The following OXNAD1 variants were observed in gnomAD, a reference collection of about 807,000 sequenced individuals.
OXNAD1 encodes the protein oxidoreductase NAD-binding domain-containing protein 1.
In OXNAD1, 34 loss-of-function variants were observed where a neutral mutation model predicts 32.9. The ratio of observed to expected loss-of-function variants is 1.03; its 90% CI spans 0.79 to 1.38. The LOEUF (loss-of-function observed/expected upper bound fraction) is 1.38, where lower values mean the gene tolerates loss of function less well. Among genes scored for constraint, OXNAD1 ranks in the 40% most tolerant of loss-of-function variants. OXNAD1 has a pLI of 0.00. For synonymous variants in OXNAD1, 134 were observed against 135.2 expected (o/e 0.99, Z 0.06); for missense variants, 407 against 379.4 (o/e 1.07, Z -0.60).
rs2064763857 is a variant in OXNAD1, at chr3:16,269,220, CTG to C, written c.-62_-61del. On this transcript the variant is annotated 5_prime_UTR_variant, in exon 2 of 9. It introduces an in-frame stop codon into an upstream open reading frame of the 5' UTR. Coordinates refer to ENST00000285083, the MANE Select transcript of OXNAD1 (RefSeq NM_138381.5). ...AGTGTAATAGCAGGACCAAAATATT[CTG>C]TCAATCAGCTGACCATATACTTAAT... is the stretch of plus-strand genomic sequence containing the variant. 3 of 1,534,512 alleles carry C rather than the reference CTG, an allele frequency of 2.0e-6. No individual in the cohort carries two copies. In the East Asian group the frequency reaches 7.3e-5, roughly 38 times the overall value.
Position 16,267,222 on chromosome 3 carries a change from T to C in OXNAD1, c.-159+1717T>C, listed in dbSNP as rs543432094. On this transcript the variant is annotated intron_variant, in intron 1 of 8. Coordinates refer to ENST00000285083, the MANE Select transcript of OXNAD1 (RefSeq NM_138381.5). ...CATCTACTTCTGCCATCTCTGTAGC[T>C]GTTACCTTATTATAATCTTAGACCA... 4.6e-5 allele frequency among the ~76,000 whole-genome samples: 7 copies of C among 152,348 alleles called. No homozygotes were observed. The East Asian group carries it at 1.3e-3, about 29-fold the overall frequency.
rs10703577 is a variant in OXNAD1 at position 16,345,264 on chromosome 3, TTGTGTGTGTGTGTGTGTGTGTGTGTG to T, written c.*31-3900_*31-3875del. 1.4e-5 allele frequency: 2 copies of T among 145,838 alleles called. No individual in the cohort carries two copies. Among genetic ancestry groups the T allele is most frequent in the Admixed American group, 6.7e-5 (1 of 14,848 alleles). 9.0% of individuals were successfully genotyped at this position (145,838 alleles called of 1,614,324 possible). A position where few individuals can be genotyped will look rare whatever the true frequency, so the allele number is the denominator to read the frequency against. ...AAACTGTAAGATAATAAGTAGGTGG[TTGTGTGTGTGTGTGTGTGTGTGTGTG>T]TGTGTGTGTGTTTAAAGCTGTTATA... On this transcript the variant is annotated intron_variant, in intron 9 of 9. Coordinates refer to the OXNAD1 transcript ENST00000606098. The surrounding 1 kb of genome is among the most constrained non-coding windows in gnomAD (Gnocchi z 5.2).
downstream of OXNAD1, chr3:16,306,137 C>T (rs2067539284): frequency 6.6e-6 from 1 of 152,156 alleles, no homozygotes. Context: ...TGACATAAGA[C>T]CCTTTCCCAG....
intron 5 of OXNAD1, among the ~76,000 whole-genome samples, chr3:16,293,989 T>C (rs1466655569): frequency 6.6e-6 from 1 of 152,242 alleles, no homozygotes; most frequent in Non-Finnish European, 1.5e-5. Context: ...CAACCTTGTA[T>C]TCCTGGAATT....
chr3:16,314,270 C>T lies in OXNAD1; in HGVS notation c.*30+10678C>T, dbSNP rs1177614481. Among the ~76,000 whole-genome samples, 1 of 152,144 alleles carries T rather than the reference C, an allele frequency of 6.6e-6. No homozygotes were observed. Among genetic ancestry groups the T allele is most frequent in the African/African-American group, 2.4e-5 (1 of 41,436 alleles). On this transcript the variant is annotated intron_variant, in intron 9 of 9. Coordinates refer to the OXNAD1 transcript ENST00000435829. The surrounding 1 kb of genome is among the most constrained non-coding windows in gnomAD (Gnocchi z 4.4). Reference sequence around the variant, plus strand: ...CTATTGGCAATCACAGGGAACTTAACATTTCCTTCAGAAATGCCTCCACTT... The same window carrying T: ...CTATTGGCAATCACAGGGAACTTAATATTTCCTTCAGAAATGCCTCCACTT...
chr3:16,271,723 G>T lies in OXNAD1; in HGVS notation c.183+1G>T, dbSNP rs773519662. The T allele has an allele frequency of 6.2e-7, 1 of 1,606,032 alleles. No homozygotes were observed. The highest frequency in any genetic ancestry group is 1.3e-5 in the African/African-American group (1 of 74,226). ...AACTGCAAGTGTCCTTCGACGGGAGGTTTGTATCTTTGGGGTATGACAGGT... is the reference window on the plus strand; with the variant it reads ...AACTGCAAGTGTCCTTCGACGGGAGTTTTGTATCTTTGGGGTATGACAGGT... On this transcript the variant is annotated splice_donor_variant, in intron 4 of 8. Transcript: ENST00000285083. LOFTEE classifies it high-confidence loss of function. The surrounding 1 kb of genome is among the most constrained non-coding windows in gnomAD (Gnocchi z 4.6).
chr3:16,270,841 C>G, intron 2 of OXNAD1, 104 bp from the exon 3 acceptor site: 2 of 1,508,856 alleles, frequency 1.3e-6, no homozygotes, highest in Non-Finnish European at 1.8e-6. Context: ...CTCATAATAG[C>G]ACCAACAGAA....
intron 9 of OXNAD1, chr3:16,326,648 G>T: frequency 2.8e-6 from 2 of 714,456 alleles, no homozygotes; most frequent in Non-Finnish European, 2.3e-6. Flanking sequence ...CAGTGGGAGA[G>T]TTTACATAAC....
intron 1 of OXNAD1, among the ~76,000 whole-genome samples, chr3:16,266,126 C>T (rs1033682153): frequency 6.6e-5 from 10 of 152,110 alleles, no homozygotes; most frequent in African/African-American, 2.4e-4. Context: ...TGTTGATTAC[C>T]TCTGGCAACT....
At chr3:16,300,628 G>A (rs535608205) in intron 6 of OXNAD1, among the ~76,000 whole-genome samples, 6 of 152,366 alleles carry the variant, frequency 3.9e-5, no homozygotes, top group Non-Finnish European at 7.3e-5. Context: ...CTTGTGCATT[G>A]TAGATAATGG....
chr3:16,315,444 A>C (rs1336157507), intron 9 of OXNAD1, among the ~76,000 whole-genome samples: 1 of 152,178 alleles, frequency 6.6e-6, no homozygotes, highest in Non-Finnish European at 1.5e-5. Context: ...ATAAACTTGC[A>C]AAGGGAAAAG....
In OXNAD1 at chr3:16,329,372, A is replaced by T. The variant is rs1473429779; in HGVS notation, c.*31-7740A>T. ...GGGAAAGGGAAAGAGGAAACTTAAT[A>T]AAGGAAGGCGGAAGGGAGGAGGGAA... On this transcript the variant is annotated intron_variant, in intron 9 of 9. Coordinates refer to the OXNAD1 transcript ENST00000435829. The surrounding 1 kb of genome is among the most constrained non-coding windows in gnomAD (Gnocchi z 4.5). Among the ~76,000 whole-genome samples the T allele has an allele frequency of 6.6e-6, 1 of 152,126 alleles. No individual in the cohort carries two copies. The highest frequency in any genetic ancestry group is 1.5e-5 in the Non-Finnish European group (1 of 68,012).
rs972661206 is a variant in OXNAD1, at chr3:16,320,070, T to C, written c.*30+16478T>C. Reference sequence around the variant, plus strand: ...TAACTGTCTAAAAGAAAAAAAGAAATCCTTCACTTTACAGCAGTGTGTGTC... The same window carrying C: ...TAACTGTCTAAAAGAAAAAAAGAAACCCTTCACTTTACAGCAGTGTGTGTC... On this transcript the variant is annotated intron_variant, in intron 9 of 9. Coordinates refer to the OXNAD1 transcript ENST00000435829. This position sits in a 1 kb window ranked among gnomAD's most constrained non-coding sequence, Gnocchi z 4.5. Among the ~76,000 whole-genome samples, 3 of 152,138 alleles carry C rather than the reference T, an allele frequency of 2.0e-5. No homozygotes were observed. The highest frequency in any genetic ancestry group is 4.4e-5 in the Non-Finnish European group (3 of 68,012).
intron 9 of OXNAD1, among the ~76,000 whole-genome samples, chr3:16,324,620 C>CCT (rs1553718092): frequency 7.0e-6 from 1 of 143,002 alleles, no homozygotes; most frequent in African/African-American, 2.6e-5. Context: ...CTGACCCCCC[C>CCT]CCTTTTAAGG....
At position 16,348,155 on chromosome 3, in the gene OXNAD1, G is replaced by A. The variant is rs989456628; in HGVS notation, c.*31-1021G>A. On this transcript the variant is annotated intron_variant, in intron 9 of 9. Coordinates refer to the OXNAD1 transcript ENST00000606098. This position sits in a 1 kb window ranked among gnomAD's most constrained non-coding sequence, Gnocchi z 6.3. Reference sequence around the variant, plus strand: ...TTGTGGCTCTTGTTGCTTAAAGCAGGGCAGGCTCCTGGAGCTCAGGAGCAG... The same window carrying A: ...TTGTGGCTCTTGTTGCTTAAAGCAGAGCAGGCTCCTGGAGCTCAGGAGCAG... The A allele has an allele frequency of 6.6e-6, 1 of 151,958 alleles. No homozygotes were observed. The highest frequency in any genetic ancestry group is 1.5e-5 in the Non-Finnish European group (1 of 68,006). The allele number at this position is 151,958 out of a possible 1,614,324, so 9.4% of individuals were successfully genotyped here.
At position 16,348,415 on chromosome 3, in the gene OXNAD1, C is replaced by G. The variant is rs141807605; in HGVS notation, c.*31-761C>G. Among the ~76,000 whole-genome samples the G allele has an allele frequency of 6.6e-6, 1 of 152,268 alleles. No homozygotes were observed. Among genetic ancestry groups the G allele is most frequent in the East Asian group, 1.9e-4 (1 of 5,180 alleles). On this transcript the variant is annotated intron_variant, in intron 9 of 9. Coordinates refer to the OXNAD1 transcript ENST00000606098. The surrounding 1 kb of genome is among the most constrained non-coding windows in gnomAD (Gnocchi z 6.3). ...TCTTCCAGCTGGCCTCTGCTCCTGT[C>G]ACTTCCCACAGCAGGAAGCCCCCAC...
rs769250154 is a variant in OXNAD1, at chr3:16,345,826, G to A, written c.*31-3350G>A. 3.1e-4 allele frequency among the ~76,000 whole-genome samples: 23 copies of A among 73,846 alleles called. No homozygotes were observed. Among genetic ancestry groups the A allele is most frequent in the East Asian group, 8.2e-4 (2 of 2,452 alleles). The allele number at this position is 73,846 out of a possible 152,430, so 48.4% of individuals were successfully genotyped here. ...TGTGTGTGTGTGTGTGTGCGCGCGCGCGTGCGCGCACGCGCACATGTGCAT... is the reference window on the plus strand; with the variant it reads ...TGTGTGTGTGTGTGTGTGCGCGCGCACGTGCGCGCACGCGCACATGTGCAT... On this transcript the variant is annotated intron_variant, in intron 9 of 9. Coordinates refer to the OXNAD1 transcript ENST00000606098. The surrounding 1 kb of genome is among the most constrained non-coding windows in gnomAD (Gnocchi z 5.2).
intron 9 of OXNAD1, among the ~76,000 whole-genome samples, chr3:16,318,241 G>C (rs575445467): frequency 6.7e-6 from 1 of 149,336 alleles, no homozygotes; most frequent in Non-Finnish European, 1.5e-5. Flanking sequence ...CAGAGTGCAC[G>C]TGGGGTTTTA....
At position 16,346,292 on chromosome 3, in the gene OXNAD1, T is replaced by G. The variant is rs752751775; in HGVS notation, c.*31-2884T>G. ...GCTGACACACAGTAGGAACTCAATA[T>G]TTATTTGTTGGATAAATTTTTAAAA... On this transcript the variant is annotated intron_variant, in intron 9 of 9. Transcript: ENST00000606098. This position sits in a 1 kb window ranked among gnomAD's most constrained non-coding sequence, Gnocchi z 4.4. 28 of 152,220 alleles carry G rather than the reference T, an allele frequency of 1.8e-4. No homozygotes were observed. Among genetic ancestry groups the G allele is most frequent in the Non-Finnish European group, 3.8e-4 (26 of 68,036 alleles). The allele number at this position is 152,220 out of a possible 1,614,324, so 9.4% of individuals were successfully genotyped here. A position where few individuals can be genotyped will look rare whatever the true frequency, so the allele number is the denominator to read the frequency against.
Sources: allele counts gnomAD v4.1 joint callset (sites outside exome capture counted in the v4.1 genomes callset), GRCh38; gene constraint gnomAD v4.1.1; non-coding constraint Gnocchi (gnomAD v3.1); transcripts MANE v1.5; gene names NCBI Gene and HGNC (gene_info 2026-07-23, HGNC 2026-07-21).